DLGAP2: variants seen among roughly 807,000 people sequenced by gnomAD.
DLGAP2 encodes the protein DLG associated protein 2, also known as disks large-associated protein 2.
A neutral mutation model predicts 100.3 loss-of-function variants in DLGAP2; 26 were observed. The ratio of observed to expected loss-of-function variants is 0.26; its 90% confidence interval spans 0.19 to 0.36. The LOEUF (loss-of-function observed/expected upper bound fraction) is 0.36, where lower values mean the gene tolerates loss of function less well. Ranked by LOEUF, DLGAP2 falls within the 10% of genes least tolerant of loss-of-function variation. DLGAP2 has a pLI of 1.00. For synonymous variants in DLGAP2, 886 were observed against 630.1 expected (o/e 1.41, Z -6.08); for missense variants, 1,858 against 1,453.2 (o/e 1.28, Z -4.53).
chr8:1,240,232 CACATGGCGCCGTGTCTAGTTCTCTT>C (rs1491282840), intron 2 of DLGAP2, among the ~76,000 whole-genome samples: 2 of 75,854 alleles, frequency 2.6e-5, no homozygotes, highest in South Asian at 3.9e-4. Flanking sequence ...CTAGTTCTCT[CACATGGCGCCGTGTCTAGTTCTCTT>C]ACATGGCGCC....
intron 2 of DLGAP2, among the ~76,000 whole-genome samples, chr8:1,080,987 C>T (rs1803788041): frequency 6.6e-6 from 1 of 152,090 alleles, no homozygotes; most frequent in South Asian, 2.1e-4. Flanking sequence ...AAATTATATG[C>T]ATATTACCTC....
intron 5 of DLGAP2, among the ~76,000 whole-genome samples, chr8:1,561,404 G>A (rs571572360): frequency 6.6e-5 from 10 of 152,138 alleles, no homozygotes; most frequent in African/African-American, 1.9e-4. Context: ...AGAAGAACCC[G>A]GCTGGAGAGC....
chr8:1,531,473 T>G (rs1028019628), intron 4 of DLGAP2, among the ~76,000 whole-genome samples: 1 of 152,170 alleles, frequency 6.6e-6, no homozygotes, highest in Admixed American at 6.5e-5. Flanking sequence ...TTGGTATTAA[T>G]TTGTATTTTC....
At chr8:815,588 C>A (rs1255879137) in intron 1 of DLGAP2, among the ~76,000 whole-genome samples, 1 of 152,146 alleles carries the variant, frequency 6.6e-6, no homozygotes, top group Non-Finnish European at 1.5e-5. Flanking sequence ...TCCAGGATAA[C>A]AGCAAAATCC....
At chr8:1,245,523 A>G (rs1198272789) in intron 2 of DLGAP2, among the ~76,000 whole-genome samples, 1 of 152,194 alleles carries the variant, frequency 6.6e-6, no homozygotes, top group African/African-American at 2.4e-5. Flanking sequence ...ATTTATATGC[A>G]GTGTTCAGAA....
chr8:1,076,134 G>C (rs1456979703), intron 2 of DLGAP2, among the ~76,000 whole-genome samples: 2 of 152,228 alleles, frequency 1.3e-5, no homozygotes, highest in Admixed American at 1.3e-4. Context: ...AGCACAGGCT[G>C]GCTGGGCCTG....
At chr8:1,488,935 C>A (rs1279493119) in intron 3 of DLGAP2, among the ~76,000 whole-genome samples, 6 of 152,118 alleles carry the variant, frequency 3.9e-5, no homozygotes, top group Non-Finnish European at 7.3e-5. Flanking sequence ...CCACAGCTAC[C>A]ATTTCAGATC....
chr8:1,095,347 G>T (rs1804332091), intron 2 of DLGAP2, among the ~76,000 whole-genome samples: 1 of 152,188 alleles, frequency 6.6e-6, no homozygotes, highest in Non-Finnish European at 1.5e-5. Flanking sequence ...GCAGACCCTG[G>T]ACACGAGGCT....
At chr8:1,193,930 C>A (rs17815788) in intron 2 of DLGAP2, among the ~76,000 whole-genome samples, 1 of 152,136 alleles carries the variant, frequency 6.6e-6, no homozygotes, top group Admixed American at 6.5e-5. Context: ...GGGACGTTTT[C>A]GTTCTCAGTA....
At chr8:788,361 C>T (rs913766327) in intron 1 of DLGAP2, among the ~76,000 whole-genome samples, 4 of 152,148 alleles carry the variant, frequency 2.6e-5, no homozygotes, top group African/African-American at 9.7e-5. Context: ...GAGGCCTCGG[C>T]ATCTGTGTCC....
chr8:1,585,195 G>C (rs567774264), intron 6 of DLGAP2, among the ~76,000 whole-genome samples: 18 of 152,146 alleles, frequency 1.2e-4, no homozygotes, highest in Non-Finnish European at 2.6e-4. Context: ...GTGAATGAGG[G>C]CTCACACCTG....
chr8:1,628,890 C>T (rs1797575758), intron 7 of DLGAP2, among the ~76,000 whole-genome samples: 2 of 152,266 alleles, frequency 1.3e-5, no homozygotes, highest in Non-Finnish European at 2.9e-5. Context: ...TGTGCCCTCC[C>T]ATTATGCAGT....
intron 3 of DLGAP2, among the ~76,000 whole-genome samples, chr8:1,307,992 A>G (rs556352274): frequency 1.3e-5 from 2 of 152,260 alleles, no homozygotes; most frequent in South Asian, 2.1e-4. Flanking sequence ...CACACACGAA[A>G]TGGTTAAGAT....
At chr8:1,669,322 A>C (rs912531122) in intron 9 of DLGAP2, among the ~76,000 whole-genome samples, 4 of 152,132 alleles carry the variant, frequency 2.6e-5, no homozygotes, top group Non-Finnish European at 5.9e-5. Flanking sequence ...TTTCCCCGTG[A>C]ATGGAGAGCT....
intron 3 of DLGAP2, among the ~76,000 whole-genome samples, chr8:1,392,620 A>G (rs1253311092): frequency 5.3e-5 from 8 of 152,168 alleles, no homozygotes; most frequent in African/African-American, 1.9e-4. Context: ...CTGTGACCCT[A>G]CATGGTGTGG....
At chr8:1,179,389 G>A (rs1048749300) in intron 2 of DLGAP2, among the ~76,000 whole-genome samples, 3 of 152,226 alleles carry the variant, frequency 2.0e-5, no homozygotes, top group Admixed American at 1.3e-4. Context: ...GACTCTGACT[G>A]TGCAGTCGAT....
chr8:1,450,647 A>T (rs978059375), intron 3 of DLGAP2, among the ~76,000 whole-genome samples: 1 of 151,824 alleles, frequency 6.6e-6, no homozygotes, highest in African/African-American at 2.4e-5. Flanking sequence ...CCCCCCCATC[A>T]TTCCCACTCT....
chr8:1,676,536 GAA>G lies in DLGAP2; in HGVS notation c.2208_2209del (p.Glu736AspfsTer6). ...AAGACGTTCTCTGTTGAATTAGGTG[GAA>G]ACGGCCACAGATTCTGACACGGAGA... is the stretch of plus-strand genomic sequence containing the variant. ...EHQPYPRSDV[E>X]TATDSDTESR... On this transcript the variant is annotated frameshift_variant, in exon 11 of 15. Coordinates refer to ENST00000637795, the MANE Select transcript of DLGAP2 (RefSeq NM_001346810.2). LOFTEE classifies it high-confidence loss of function. 1 of 1,612,884 alleles carries G rather than the reference GAA, an allele frequency of 6.2e-7. No homozygotes were observed. Among genetic ancestry groups the G allele is most frequent in the Admixed American group, 1.7e-5 (1 of 59,910 alleles).
chr8:1,678,886 A>G lies in DLGAP2; in HGVS notation c.2704+257A>G, dbSNP rs548532337. 7 of 417,852 alleles carry G rather than the reference A, an allele frequency of 1.7e-5. No homozygotes were observed. The South Asian group carries it at 4.3e-4, about 26-fold the overall frequency. 25.9% of individuals were successfully genotyped at this position (417,852 alleles called of 1,614,324 possible). ...TGAATAGAAAATCAACTGTGCTAAC[A>G]GTTTTCTTGGGAGCATAGTTGATCT... is the stretch of plus-strand genomic sequence containing the variant. On this transcript the variant is annotated intron_variant, in intron 12 of 14. Coordinates refer to ENST00000637795, the MANE Select transcript of DLGAP2 (RefSeq NM_001346810.2).
Sources: gnomAD v4.1 joint callset for allele counts (sites outside exome capture counted in the v4.1 genomes callset) on GRCh38, gnomAD v4.1.1 for gene constraint, MANE v1.5 for transcripts, NCBI Gene and HGNC (gene_info 2026-07-23, HGNC 2026-07-21) for gene names.